CNTNAP5: variants seen among roughly 807,000 people sequenced by gnomAD.
CNTNAP5 encodes the protein contactin-associated protein-like 5.
In CNTNAP5, 72 loss-of-function variants were observed where a neutral mutation model predicts 150.2. That is an observed-to-expected ratio of 0.48 (90% CI 0.40 to 0.58). The LOEUF (loss-of-function observed/expected upper bound fraction) is 0.58, where lower values mean the gene tolerates loss of function less well. Among genes scored for constraint, CNTNAP5 ranks in the 20% least tolerant of loss-of-function variants. CNTNAP5 has a pLI of 0.00. For missense variants in CNTNAP5, 1,636 were observed against 1,626.2 expected, an observed-to-expected ratio of 1.01 and a Z score of -0.10; for synonymous variants, 672 against 619.8, an observed-to-expected ratio of 1.08 and a Z score of -1.25.
chr2:124,112,324 C>A (rs752183674), intron 1 of CNTNAP5, among the ~76,000 whole-genome samples: 16 of 152,124 alleles, frequency 1.1e-4, no homozygotes, highest in Non-Finnish European at 5.9e-5. Flanking sequence ...TGTCTCACAC[C>A]TAAAATATGG....
At chr2:124,316,975 GA>G (rs1255716738) in intron 3 of CNTNAP5, among the ~76,000 whole-genome samples, 2 of 152,028 alleles carry the variant, frequency 1.3e-5, no homozygotes, top group Non-Finnish European at 2.9e-5. Flanking sequence ...TTTTATATCT[GA>G]AACTCAGATG....
rs147678515 is a variant in CNTNAP5, at chr2:124,158,844, C to T, written c.83-62861C>T. On this transcript the variant is annotated intron_variant, in intron 1 of 23. Transcript: ENST00000682447. ...ATATCTTTCCATTAAACCTCAAGAG[C>T]GCCTGGCAGGTATGGGACAGGTGTG... is the stretch of plus-strand genomic sequence containing the variant. Among the ~76,000 whole-genome samples, 103 of 152,258 alleles carry T rather than the reference C, an allele frequency of 6.8e-4. 2 individuals carry two copies. The East Asian group carries it at 0.014, about 21-fold the overall frequency.
At chr2:124,602,271 G>T (rs1697002714) in intron 11 of CNTNAP5, among the ~76,000 whole-genome samples, 1 of 147,270 alleles carries the variant, frequency 6.8e-6, no homozygotes, top group African/African-American at 2.5e-5. Flanking sequence ...GAACCAGGAA[G>T]TCGGAGGTTG....
intron 19 of CNTNAP5, among the ~76,000 whole-genome samples, chr2:124,853,583 T>C (rs548274970): frequency 6.6e-6 from 1 of 152,342 alleles, no homozygotes; most frequent in Admixed American, 6.5e-5. Flanking sequence ...CTTTTTGTTT[T>C]CCAAACTAAG....
chr2:124,620,439 CTGTT>C (rs956917938), intron 12 of CNTNAP5, among the ~76,000 whole-genome samples: 26 of 152,220 alleles, frequency 1.7e-4, no homozygotes, highest in African/African-American at 5.3e-4. Flanking sequence ...GCCTTCATGA[CTGTT>C]TGTTGCTGCT....
chr2:124,428,201 G>A (rs1182389369), intron 4 of CNTNAP5, among the ~76,000 whole-genome samples: 1 of 151,978 alleles, frequency 6.6e-6, no homozygotes, highest in African/African-American at 2.4e-5. Context: ...CACCTCACCA[G>A]CCTGACTGCC....
At chr2:124,444,058 G>A (rs1355639939) in intron 5 of CNTNAP5, among the ~76,000 whole-genome samples, 4 of 152,016 alleles carry the variant, frequency 2.6e-5, no homozygotes, top group African/African-American at 9.7e-5. Flanking sequence ...GTTAGCTCCT[G>A]AGTCATTTCA....
At position 124,494,598 on chromosome 2, in the gene CNTNAP5, C is replaced by A. The variant is rs114873396; in HGVS notation, c.1063-9694C>A. 1.5e-3 allele frequency among the ~76,000 whole-genome samples: 222 copies of A among 152,314 alleles called. 2 individuals are homozygous for A. The highest frequency in any genetic ancestry group is 5.0e-3 in the African/African-American group (208 of 41,562). ...CTTAATTTAGTGAAGTTGACACCTA[C>A]ATTTAACCATCACACCTTACTGTTA... On this transcript the variant is annotated intron_variant, in intron 7 of 23. Transcript: ENST00000682447.
At chr2:124,155,292 C>T (rs72980522) in intron 1 of CNTNAP5, among the ~76,000 whole-genome samples, 71 of 152,150 alleles carry the variant, frequency 4.7e-4, no homozygotes, top group African/African-American at 1.4e-3. Flanking sequence ...ATGCTCTAAA[C>T]GTTTTCAGTT....
At chr2:124,394,057 ATGTTTTCTG>A (rs1402741133) in intron 3 of CNTNAP5, among the ~76,000 whole-genome samples, 1 of 152,126 alleles carries the variant, frequency 6.6e-6, no homozygotes, top group African/African-American at 2.4e-5. Flanking sequence ...TAGCTATTAT[ATGTTTTCTG>A]TAGCCATTAA....
intron 3 of CNTNAP5, among the ~76,000 whole-genome samples, chr2:124,274,437 C>A (rs886839257): frequency 1.3e-5 from 2 of 152,142 alleles, no homozygotes; most frequent in African/African-American, 2.4e-5. Context: ...AAACTGAGAT[C>A]TTTTCCCATT....
In CNTNAP5 at chr2:124,592,109, A is replaced by G. The variant is rs1347332705; in HGVS notation, c.1757-17692A>G. Among the ~76,000 whole-genome samples, 23 of 152,122 alleles carry G rather than the reference A, an allele frequency of 1.5e-4. 1 individual carries two copies. Among genetic ancestry groups the G allele is most frequent in the Admixed American group, 1.5e-3 (23 of 15,264 alleles). On this transcript the variant is annotated intron_variant, in intron 11 of 23. Transcript: ENST00000682447. ...CCATGAGTGCAACATAGTTTATTCA[A>G]CTAGTCCTCAATTGATGAACACCGA... is the stretch of plus-strand genomic sequence containing the variant.
At chr2:124,597,780 C>G (rs564154056) in intron 11 of CNTNAP5, among the ~76,000 whole-genome samples, 488 of 152,018 alleles carry the variant, frequency 3.2e-3, no homozygotes, top group African/African-American at 0.011. Flanking sequence ...TTCAGGCACA[C>G]CAATCAGACG....
chr2:124,912,541 A>T (rs1678678353), intron 23 of CNTNAP5, among the ~76,000 whole-genome samples: 1 of 151,998 alleles, frequency 6.6e-6, no homozygotes, highest in African/African-American at 2.4e-5. Flanking sequence ...AGAAAGGAAA[A>T]CCACGCCTTT....
At chr2:124,782,481 A>G (rs1573613521) in intron 17 of CNTNAP5, among the ~76,000 whole-genome samples, 1 of 152,182 alleles carries the variant, frequency 6.6e-6, no homozygotes, top group Non-Finnish European at 1.5e-5. Flanking sequence ...TCTAGCTTGA[A>G]CCCAGTATAG....
At chr2:124,287,275 T>C (rs1416236682) in intron 3 of CNTNAP5, among the ~76,000 whole-genome samples, 1 of 152,216 alleles carries the variant, frequency 6.6e-6, no homozygotes, top group Non-Finnish European at 1.5e-5. Context: ...GGTTTTCACC[T>C]TCTGACAGCA....
At chr2:124,097,224 A>G (rs902193320) in intron 1 of CNTNAP5, among the ~76,000 whole-genome samples, 1 of 152,162 alleles carries the variant, frequency 6.6e-6, no homozygotes, top group Admixed American at 6.6e-5. Flanking sequence ...AGGTTACCTG[A>G]TGTGTCCAGG....
rs1558764186 is a variant in CNTNAP5, at chr2:124,122,787, CA to C, written c.82+97056del. On this transcript the variant is annotated intron_variant, in intron 1 of 23. Transcript: ENST00000682447. ...ACACACACACACACACACACACACA[CA>C]CACACCCACACCTTTTCCCAGCTAA... Among the ~76,000 whole-genome samples, 589 of 151,182 alleles carry C rather than the reference CA, an allele frequency of 3.9e-3. 10 individuals are homozygous for C. The highest frequency in any genetic ancestry group is 0.033 in the South Asian group (160 of 4,784).
intron 13 of CNTNAP5, among the ~76,000 whole-genome samples, chr2:124,653,188 C>T (rs908439139): frequency 4.6e-5 from 7 of 152,082 alleles, no homozygotes; most frequent in Non-Finnish European, 8.8e-5. Context: ...GTGGTTTCTA[C>T]CTGCAGTCAA....
Sources: gnomAD v4.1 joint callset for allele counts (sites outside exome capture counted in the v4.1 genomes callset) on GRCh38, gnomAD v4.1.1 for gene constraint, MANE v1.5 for transcripts, NCBI Gene and HGNC (gene_info 2026-07-23, HGNC 2026-07-21) for gene names.